The following PLEKHG1 variants were observed in gnomAD, a reference collection of about 807,000 sequenced individuals.
PLEKHG1 encodes the protein pleckstrin homology domain-containing family G member 1.
PLEKHG1 carries 44 observed loss-of-function variants against 100.8 expected under a neutral mutation model. The observed-to-expected ratio is 0.44, with a 90% confidence interval of 0.34 to 0.56. PLEKHG1 has a LOEUF of 0.56. Among genes scored for constraint, PLEKHG1 ranks in the 20% least tolerant of loss-of-function variants. The probability of loss-of-function intolerance (pLI) is 0.01; values close to 1 mark genes in which losing one functional copy is unlikely to be tolerated. For synonymous variants in PLEKHG1, 640 were observed against 662.5 expected (o/e 0.97, Z 0.52); for missense variants, 1,545 against 1,720.9 (o/e 0.90, Z 1.81).
intron 3 of PLEKHG1, among the ~76,000 whole-genome samples, chr6:150,773,449 G>C (rs1356450333): frequency 6.6e-6 from 1 of 152,202 alleles, no homozygotes; most frequent in African/African-American, 2.4e-5. Context: ...CAGGAGAATT[G>C]CTTGAGCCCG....
At chr6:150,611,969 A>G (rs897190146) in intron 1 of PLEKHG1, among the ~76,000 whole-genome samples, 1 of 151,792 alleles carries the variant, frequency 6.6e-6, no homozygotes, top group Admixed American at 6.6e-5. Flanking sequence ...CTTTTGCACA[A>G]TTGACTCAAA....
chr6:150,712,574 G>T (rs1018932700), intron 3 of PLEKHG1, among the ~76,000 whole-genome samples: 2 of 152,108 alleles, frequency 1.3e-5, no homozygotes, highest in Admixed American at 6.5e-5. Flanking sequence ...AAATAAGTTT[G>T]GTTACACTTG....
At chr6:150,782,552 A>C (rs1785373224) in intron 3 of PLEKHG1, among the ~76,000 whole-genome samples, 1 of 152,338 alleles carries the variant, frequency 6.6e-6, no homozygotes, top group African/African-American at 2.4e-5. Flanking sequence ...AAATGCCATT[A>C]AAATACTCCC....
chr6:150,731,934 A>G (rs900980607), intron 1 of PLEKHG1, among the ~76,000 whole-genome samples: 4 of 148,830 alleles, frequency 2.7e-5, no homozygotes, highest in Admixed American at 6.7e-5. Context: ...GCCCAACATC[A>G]TATTTAAATG....
chr6:150,828,838 A>G lies in PLEKHG1; in HGVS notation c.1471-1744A>G, dbSNP rs892236404. Among the ~76,000 whole-genome samples, 27 of 152,224 alleles carry G rather than the reference A, an allele frequency of 1.8e-4. 1 individual carries two copies. Among genetic ancestry groups the G allele is most frequent in the African/African-American group, 6.3e-4 (26 of 41,466 alleles). On this transcript the variant is annotated intron_variant, in intron 14 of 15. Coordinates refer to ENST00000358517, the Ensembl canonical transcript of PLEKHG1. ...GTAGTTACTGGGTGCCTATATTTTT[A>G]TAACATTAAACCAGTGCAGTCTGAG...
intron 3 of PLEKHG1, among the ~76,000 whole-genome samples, chr6:150,703,827 T>C (rs1780899939): frequency 6.6e-6 from 1 of 152,188 alleles, no homozygotes; most frequent in Non-Finnish European, 1.5e-5. Flanking sequence ...TGTTTTAAAA[T>C]AGTGTTTGAT....
chr6:150,662,049 A>G (rs1246948659), intron 3 of PLEKHG1, among the ~76,000 whole-genome samples: 2 of 152,160 alleles, frequency 1.3e-5, no homozygotes, highest in Non-Finnish European at 2.9e-5. Flanking sequence ...GATAGTTCAG[A>G]AGAGTGTGTC....
At chr6:150,822,605 A>G (rs1776368736) in intron 13 of PLEKHG1, among the ~76,000 whole-genome samples, 1 of 152,256 alleles carries the variant, frequency 6.6e-6, no homozygotes, top group African/African-American at 2.4e-5. Context: ...TGTCAAAAAT[A>G]AAGAAGATCT....
chr6:150,718,083 ATAAAT>A (rs1427934899), upstream of PLEKHG1, among the ~76,000 whole-genome samples: 6 of 152,352 alleles, frequency 3.9e-5, no homozygotes, highest in East Asian at 1.2e-3. Flanking sequence ...TCTCAAAAAA[ATAAAT>A]TAATTAGATA....
chr6:150,821,373 A>G, intron 13 of PLEKHG1, 140 bp downstream of exon 14: 2 of 677,890 alleles, frequency 3.0e-6, no homozygotes, highest in South Asian at 3.7e-5. Context: ...CTGTAAATAA[A>G]AGTGTCCCAT....
At chr6:150,744,403 G>C (rs1428910656) in intron 2 of PLEKHG1, among the ~76,000 whole-genome samples, 1 of 151,960 alleles carries the variant, frequency 6.6e-6, no homozygotes, top group Non-Finnish European at 1.5e-5. Context: ...CATTTCTGTA[G>C]CCATTCCAAG....
At chr6:150,833,384 A>G (rs1777063949) in intron 15 of PLEKHG1, among the ~76,000 whole-genome samples, 1 of 152,216 alleles carries the variant, frequency 6.6e-6, no homozygotes, top group South Asian at 2.1e-4. Flanking sequence ...AGCTGCTGTA[A>G]TGCATTCAAC....
chr6:150,825,301 TGTG>T (rs1335819797), intron 14 of PLEKHG1, among the ~76,000 whole-genome samples: 2 of 152,136 alleles, frequency 1.3e-5, no homozygotes, highest in Non-Finnish European at 1.5e-5. Context: ...AACAGCCAGG[TGTG>T]GTGGCACACA....
intron 2 of PLEKHG1, among the ~76,000 whole-genome samples, chr6:150,763,021 C>CTGCTT (rs1554269442): frequency 2.4e-5 from 1 of 41,166 alleles, no homozygotes; most frequent in Non-Finnish European, 3.9e-5. Flanking sequence ...AGGGATAAAG[C>CTGCTT]TTCTTTTTTT....
At chr6:150,817,621 A>C (rs1405393812) in intron 10 of PLEKHG1, among the ~76,000 whole-genome samples, 5 of 145,332 alleles carry the variant, frequency 3.4e-5, no homozygotes, top group African/African-American at 1.3e-4. Flanking sequence ...GCAGTGGCTC[A>C]ATCTCGGCTC....
chr6:150,683,784 C>A lies in PLEKHG1; in HGVS notation c.-99+32998C>A, dbSNP rs540516673. On this transcript the variant is annotated intron_variant, in intron 3 of 3. Transcript: ENST00000367326. The surrounding 1 kb of genome is among the most constrained non-coding windows in gnomAD (Gnocchi z 4.0). ...AAAGATGGAGCCATTCTTGGTGGGGCGGAAGAGGCAGGAAACTGCTGCCTG... is the reference window on the plus strand; with the variant it reads ...AAAGATGGAGCCATTCTTGGTGGGGAGGAAGAGGCAGGAAACTGCTGCCTG... The A allele has an allele frequency of 2.2e-5, 28 of 1,287,980 alleles. No individual in the cohort carries two copies. The African/African-American group carries it at 2.7e-4, about 13-fold the overall frequency. 79.8% of individuals were successfully genotyped at this position (1,287,980 alleles called of 1,614,324 possible).
chr6:150,748,772 C>G (rs1185478718), intron 2 of PLEKHG1, among the ~76,000 whole-genome samples: 1 of 151,658 alleles, frequency 6.6e-6, no homozygotes, highest in Non-Finnish European at 1.5e-5. Context: ...CAGACGCACC[C>G]CCACCATGCC....
At position 150,838,058 on chromosome 6, in the gene PLEKHG1, GGTT is replaced by G. The variant is rs1190344457; in HGVS notation, c.3095-1771_3095-1769del. ...TGCAATTAAAGGTCACACAATAACA[GGTT>G]GTTTCTCTCTCCTCATAGAAGATAG... On this transcript the variant is annotated intron_variant, in intron 15 of 15. Coordinates refer to ENST00000358517, the Ensembl canonical transcript of PLEKHG1. Among the ~76,000 whole-genome samples the G allele has an allele frequency of 2.6e-5, 4 of 152,136 alleles. No homozygotes were observed. In the East Asian group the frequency reaches 5.8e-4, roughly 22 times the overall value.
chr6:150,797,321 G>T (rs569469848), intron 5 of PLEKHG1, among the ~76,000 whole-genome samples: 3 of 152,148 alleles, frequency 2.0e-5, no homozygotes, highest in East Asian at 3.9e-4. Flanking sequence ...AAACAAATAG[G>T]TCCCCTGTTC....
Sources: gnomAD v4.1 joint callset for allele counts (sites outside exome capture counted in the v4.1 genomes callset) on GRCh38, gnomAD v4.1.1 for gene constraint, Gnocchi (gnomAD v3.1) non-coding constraint, MANE v1.5 for transcripts, NCBI Gene and HGNC (gene_info 2026-07-23, HGNC 2026-07-21) for gene names.